MAML2: variants seen among roughly 807,000 people sequenced by gnomAD.
The protein encoded by MAML2 is mastermind-like protein 2.
MAML2 carries 22 observed loss-of-function variants against 96.1 expected under a neutral mutation model. That is an observed-to-expected ratio of 0.23 (90% CI 0.16 to 0.33). The LOEUF is 0.33. Ranked by LOEUF, MAML2 falls within the 10% of genes least tolerant of loss-of-function variation. MAML2 has a pLI of 1.00. For synonymous variants in MAML2, 561 were observed against 521.3 expected, an observed-to-expected ratio of 1.08 and a Z score of -1.04; for missense variants, 1,367 against 1,392.4, an observed-to-expected ratio of 0.98 and a Z score of 0.29.
intron 2 of MAML2, among the ~76,000 whole-genome samples, chr11:96,091,179 G>A (rs530953191): frequency 1.1e-4 from 17 of 152,128 alleles, no homozygotes; most frequent in Admixed American, 3.3e-4. Context: ...ATCTGTAGTC[G>A]TGATAATTTC....
chr11:96,110,926 T>C (rs752814448), intron 1 of MAML2, among the ~76,000 whole-genome samples: 13 of 152,360 alleles, frequency 8.5e-5, no homozygotes, highest in Non-Finnish European at 1.5e-4. Flanking sequence ...ATATGGGACT[T>C]GCTTTTGACC....
intron 1 of MAML2, among the ~76,000 whole-genome samples, chr11:96,222,758 T>C (rs930063033): frequency 2.0e-5 from 3 of 152,304 alleles, no homozygotes; most frequent in Middle Eastern, 3.4e-3. Context: ...GTTAAATATA[T>C]GCAGGTCTAG....
chr11:96,339,239 A>T (rs1005335257), intron 1 of MAML2, among the ~76,000 whole-genome samples: 1 of 152,208 alleles, frequency 6.6e-6, no homozygotes, highest in Admixed American at 6.5e-5. Flanking sequence ...CTTAGGCCAG[A>T]GGTAGCACAG....
intron 2 of MAML2, among the ~76,000 whole-genome samples, chr11:96,036,569 T>G (rs1858715742): frequency 6.6e-6 from 1 of 152,080 alleles, no homozygotes; most frequent in African/African-American, 2.4e-5. Flanking sequence ...GGATGGCAAA[T>G]AGGGATACAT....
chr11:95,978,698 G>A lies in MAML2; in HGVS notation c.*250C>T. On this transcript the variant is annotated 3_prime_UTR_variant, in exon 5 of 5. Coordinates refer to ENST00000524717, the MANE Select transcript of MAML2 (RefSeq NM_032427.4). Reference sequence around the variant, plus strand: ...CACATTGACACCACAGTTCTGTTTGGATAAATTGGATACTGTATCCTGGAG... The same window carrying A: ...CACATTGACACCACAGTTCTGTTTGAATAAATTGGATACTGTATCCTGGAG... The A allele has an allele frequency of 2.2e-6, 1 of 451,536 alleles. No individual in the cohort carries two copies. Among genetic ancestry groups the A allele is most frequent in the Non-Finnish European group, 3.9e-6 (1 of 256,132 alleles). 28.0% of individuals were successfully genotyped at this position (451,536 alleles called of 1,614,324 possible).
At chr11:96,229,834 C>T (rs2089397487) in intron 1 of MAML2, among the ~76,000 whole-genome samples, 1 of 152,076 alleles carries the variant, frequency 6.6e-6, no homozygotes, top group African/African-American at 2.4e-5. Context: ...AACATTCTGT[C>T]TTGCAAAATA....
At chr11:96,142,498 A>G (rs1230683948) in intron 1 of MAML2, among the ~76,000 whole-genome samples, 1 of 152,164 alleles carries the variant, frequency 6.6e-6, no homozygotes, top group Non-Finnish European at 1.5e-5. Context: ...TGACATGGAG[A>G]TCTAAGATCT....
At chr11:96,072,008 T>C (rs1218314352) in intron 2 of MAML2, among the ~76,000 whole-genome samples, 2 of 152,208 alleles carry the variant, frequency 1.3e-5, no homozygotes, top group African/African-American at 4.8e-5. Flanking sequence ...TCAAAATGTA[T>C]ATTGTATTTT....
intron 1 of MAML2, among the ~76,000 whole-genome samples, chr11:96,204,803 T>A (rs1231140011): frequency 6.6e-6 from 1 of 152,196 alleles, no homozygotes; most frequent in South Asian, 2.1e-4. Context: ...CCAAGGTGAA[T>A]CTTGAAGGTG....
At chr11:96,329,025 G>A (rs909766641) in intron 1 of MAML2, among the ~76,000 whole-genome samples, 9 of 152,120 alleles carry the variant, frequency 5.9e-5, no homozygotes, top group Non-Finnish European at 1.0e-4. Flanking sequence ...AGAGACGGAT[G>A]TACACAGCTG....
At chr11:96,058,591 T>C (rs1859105913) in intron 2 of MAML2, among the ~76,000 whole-genome samples, 1 of 152,200 alleles carries the variant, frequency 6.6e-6, no homozygotes, top group Admixed American at 6.5e-5. Flanking sequence ...AGTGCTGGGA[T>C]TACAGGCATG....
At chr11:96,104,699 C>T (rs1197405342) in intron 1 of MAML2, among the ~76,000 whole-genome samples, 1 of 152,096 alleles carries the variant, frequency 6.6e-6, no homozygotes, top group South Asian at 2.1e-4. Flanking sequence ...TGTAGTCATT[C>T]TCAGCCGTGC....
chr11:96,150,227 G>C (rs1164897691), intron 1 of MAML2, among the ~76,000 whole-genome samples: 1 of 152,180 alleles, frequency 6.6e-6, no homozygotes, highest in Non-Finnish European at 1.5e-5. Flanking sequence ...TACTATGTGG[G>C]AGTGATGAAG....
chr11:96,039,668 C>T (rs531953508), intron 2 of MAML2, among the ~76,000 whole-genome samples: 11 of 151,146 alleles, frequency 7.3e-5, no homozygotes, highest in Non-Finnish European at 1.0e-4. Context: ...GATCATCGGC[C>T]GGGCGCGGTG....
intron 2 of MAML2, among the ~76,000 whole-genome samples, chr11:96,019,982 G>A (rs749863647): frequency 2.6e-5 from 4 of 152,086 alleles, no homozygotes; most frequent in Admixed American, 6.5e-5. Context: ...CTATTCAGTC[G>A]TTAAGTGCTG....
chr11:96,210,696 G>A (rs1275422121), intron 1 of MAML2, among the ~76,000 whole-genome samples: 1 of 152,114 alleles, frequency 6.6e-6, no homozygotes, highest in Non-Finnish European at 1.5e-5. Context: ...GATGTACTTA[G>A]CACAGCACCT....
intron 2 of MAML2, among the ~76,000 whole-genome samples, chr11:96,021,257 C>A (rs1858431228): frequency 6.6e-6 from 1 of 152,192 alleles, no homozygotes; most frequent in Non-Finnish European, 1.5e-5. Context: ...TGTATCTGGT[C>A]ACCATTGTAT....
intron 1 of MAML2, among the ~76,000 whole-genome samples, chr11:96,230,977 A>G (rs1199274147): frequency 2.6e-5 from 4 of 152,268 alleles, no homozygotes; most frequent in African/African-American, 9.6e-5. Flanking sequence ...TAAATCAGGA[A>G]ATAGTGAAAG....
At chr11:96,121,856 G>T (rs1218759186) in intron 1 of MAML2, among the ~76,000 whole-genome samples, 2 of 133,340 alleles carry the variant, frequency 1.5e-5, no homozygotes, top group Non-Finnish European at 3.1e-5. Flanking sequence ...GCGCGATCTC[G>T]GCTCTCTGCA....
Sources: gnomAD v4.1 joint callset for allele counts (sites outside exome capture counted in the v4.1 genomes callset) on GRCh38, gnomAD v4.1.1 for gene constraint, MANE v1.5 for transcripts, NCBI Gene and HGNC (gene_info 2026-07-23, HGNC 2026-07-21) for gene names.